TBX15: variants seen among roughly 807,000 people sequenced by gnomAD.
TBX15 encodes T-box transcription factor TBX15.
Under a neutral mutation model 53.9 loss-of-function variants are expected in TBX15, and 18 were observed. The observed-to-expected ratio is 0.33, with a 90% CI of 0.23 to 0.49. The LOEUF is 0.49. TBX15 is among the 20% of genes least tolerant of loss of function. TBX15 has a pLI of 0.98. For missense variants in TBX15, 692 were observed against 749.5 expected, an observed-to-expected ratio of 0.92 and a Z score of 0.90; for synonymous variants, 295 against 278.0, an observed-to-expected ratio of 1.06 and a Z score of -0.61.
chr1:118,926,677 T>A, intron 2 of TBX15, 66 bp from the exon 3 acceptor site: 2 of 1,356,780 alleles, frequency 1.5e-6, no homozygotes, highest in Non-Finnish European at 2.1e-6. Context: ...GGTAAAAGCT[T>A]AAACAATGTG....
chr1:118,887,084 A>G (rs1415627815), intron 7 of TBX15, among the ~76,000 whole-genome samples: 1 of 152,178 alleles, frequency 6.6e-6, no homozygotes, highest in Non-Finnish European at 1.5e-5. Flanking sequence ...CATCCAATGG[A>G]AGTTAAAGAC....
At chr1:118,950,819 T>A (rs1038772971) in intron 1 of TBX15, among the ~76,000 whole-genome samples, 1 of 152,178 alleles carries the variant, frequency 6.6e-6, no homozygotes, top group Non-Finnish European at 1.5e-5. Flanking sequence ...CTTGCCAGTA[T>A]AAAAGCACAA....
At chr1:118,923,716 G>T in intron 4 of TBX15, 113 bp from the exon 5 acceptor site, 1 of 1,282,560 alleles carries the variant, frequency 7.8e-7, no homozygotes, top group Admixed American at 1.8e-5. Flanking sequence ...CAGATTGGAG[G>T]TGAGATGTAC....
intron 6 of TBX15, among the ~76,000 whole-genome samples, chr1:118,912,043 T>C (rs577644280): frequency 1.3e-5 from 2 of 152,272 alleles, no homozygotes; most frequent in Admixed American, 6.5e-5. Context: ...TTTCCAAGGA[T>C]AGGGTGGCTG....
In TBX15 at chr1:118,985,117, G is replaced by C. The variant is rs187501728; in HGVS notation, c.205+2474C>G. 3.9e-5 allele frequency among the ~76,000 whole-genome samples: 6 copies of C among 152,274 alleles called. No individual in the cohort carries two copies. The East Asian group carries it at 1.2e-3, about 29-fold the overall frequency. ...TGTGCGTGTGTGTTTGTGTGTGTGT[G>C]TGTGTTTCATTCTTCCCGCAAAACA... On this transcript the variant is annotated intron_variant, in intron 1 of 7. Coordinates refer to ENST00000369429, the MANE Select transcript of TBX15 (RefSeq NM_001330677.2).
At chr1:118,908,377 C>A (rs1183492249) in intron 6 of TBX15, among the ~76,000 whole-genome samples, 20 of 132,248 alleles carry the variant, frequency 1.5e-4, no homozygotes, top group South Asian at 2.5e-4. Context: ...AGCACAAGAC[C>A]AAAAAAAAAA....
At chr1:118,988,727 C>G (rs1182236890), upstream of TBX15, among the ~76,000 whole-genome samples, 1 of 152,194 alleles carries the variant, frequency 6.6e-6, no homozygotes, top group African/African-American at 2.4e-5. Flanking sequence ...TCCAAAATGC[C>G]AGAAAACGAT....
At chr1:118,962,946 T>C (rs1656926307) in intron 1 of TBX15, among the ~76,000 whole-genome samples, 1 of 152,188 alleles carries the variant, frequency 6.6e-6, no homozygotes, top group Admixed American at 6.5e-5. Context: ...ACTAAAACTT[T>C]CTAGAAAAGG....
chr1:118,964,763 T>A (rs1656989139), intron 1 of TBX15, among the ~76,000 whole-genome samples: 1 of 152,278 alleles, frequency 6.6e-6, no homozygotes, highest in South Asian at 2.1e-4. Flanking sequence ...ACATGGCTTA[T>A]AGCTGCTTGC....
intron 2 of TBX15, among the ~76,000 whole-genome samples, chr1:118,929,984 C>T (rs1008920160): frequency 2.7e-4 from 41 of 152,248 alleles, no homozygotes; most frequent in African/African-American, 8.9e-4. Context: ...CAGAAGTACA[C>T]TGAGACCCAA....
intron 6 of TBX15, among the ~76,000 whole-genome samples, chr1:118,902,835 T>C (rs1277624564): frequency 6.6e-6 from 1 of 152,156 alleles, no homozygotes; most frequent in East Asian, 1.9e-4. Flanking sequence ...TAGTCAAAAT[T>C]TACCCTGTGC....
intron 1 of TBX15, among the ~76,000 whole-genome samples, chr1:118,977,301 A>C (rs1657466883): frequency 6.6e-6 from 1 of 151,094 alleles, no homozygotes. Flanking sequence ...ATATATGCAC[A>C]TATATATATA....
chr1:118,931,874 G>T (rs1485305877), intron 1 of TBX15, 42 bp from the exon 2 acceptor site: 2 of 1,539,968 alleles, frequency 1.3e-6, no homozygotes, highest in African/African-American at 2.7e-5. Flanking sequence ...AAACTGCTGA[G>T]CTCCCCTCAC....
intron 7 of TBX15, among the ~76,000 whole-genome samples, chr1:118,889,084 A>G (rs1654047184): frequency 1.3e-5 from 2 of 152,204 alleles, no homozygotes; most frequent in African/African-American, 4.8e-5. Flanking sequence ...TGAAGCCTCC[A>G]TATGAACTAG....
chr1:118,953,090 A>AC (rs201551445), intron 1 of TBX15, among the ~76,000 whole-genome samples: 23,844 of 151,570 alleles, frequency 0.16, 2,730 homozygotes, highest in East Asian at 0.5. Context: ...AAAAAAAAAA[A>AC]ATACACCTGT....
rs974259178 is a variant in TBX15 at position 118,987,615 on chromosome 1, C to T, written c.181G>A (p.Ala61Thr). Reference protein sequence around the residue: ...GPLGDTEDAAAHGLEPHPDSE... With the variant: ...GPLGDTEDAATHGLEPHPDSE... The stretch of plus-strand genomic sequence containing the variant: ...CCCGGGTGAGGCTCCAGGCCGTGTG[C>T]CGCCGCGTCCTCCGTGTCTCCGAGT... The change falls in exon 1 of 8, where the codon GCA becomes ACA. Residue 61 changes from alanine to threonine, a missense_variant. By Grantham distance (58) the Ala-to-Thr change is moderately conservative (BLOSUM62 0). Coordinates refer to ENST00000369429, the MANE Select transcript of TBX15 (RefSeq NM_001330677.2). 6.5e-6 allele frequency: 10 copies of T among 1,548,786 alleles called. No homozygotes were observed. In the Admixed American group the frequency reaches 9.8e-5, roughly 15 times the overall value.
chr1:118,962,146 G>C (rs1198240243), intron 1 of TBX15, among the ~76,000 whole-genome samples: 1 of 152,122 alleles, frequency 6.6e-6, no homozygotes, highest in East Asian at 1.9e-4. Flanking sequence ...TTACACAAAA[G>C]GCACATTCAT....
rs1657904979 is a variant in TBX15, at chr1:118,988,098, CTG to C, written c.-305_-304del. 4.1e-6 allele frequency: 2 copies of C among 487,532 alleles called. No individual in the cohort carries two copies. The highest frequency in any genetic ancestry group is 3.6e-5 in the Admixed American group (1 of 27,940). 30.2% of individuals were successfully genotyped at this position (487,532 alleles called of 1,614,324 possible). A position where few individuals can be genotyped will look rare whatever the true frequency, so the allele number is the denominator to read the frequency against. ...ACCCACCGGGGCAGGCGCTCACAGA[CTG>C]TGTCCACTGAACTTCATCTTGTTTT... On this transcript the variant is annotated 5_prime_UTR_variant, in exon 1 of 8. The change abolishes the stop of an existing upstream ORF in the 5' untranslated region. Coordinates refer to ENST00000369429, the MANE Select transcript of TBX15 (RefSeq NM_001330677.2).
chr1:118,884,546 G>C lies in TBX15; in HGVS notation c.*186C>G, dbSNP rs771555987. 2 of 698,318 alleles carry C rather than the reference G, an allele frequency of 2.9e-6. No individual in the cohort carries two copies. The highest frequency in any genetic ancestry group is 2.3e-6 in the Non-Finnish European group (1 of 432,040). 43.3% of individuals were successfully genotyped at this position (698,318 alleles called of 1,614,324 possible). ...CCACTGAGTTGCGGATGATTCTATC[G>C]CAAGTATCCTTCACTGGCTTAAAGG... On this transcript the variant is annotated 3_prime_UTR_variant, in exon 8 of 8. Transcript: ENST00000369429.
Sources: gnomAD v4.1 joint callset for allele counts (sites outside exome capture counted in the v4.1 genomes callset) on GRCh38, gnomAD v4.1.1 for gene constraint, MANE v1.5 for transcripts, NCBI Gene and HGNC (gene_info 2026-07-23, HGNC 2026-07-21) for gene names.